The following TEX46 variants were observed in gnomAD, a reference collection of about 807,000 sequenced individuals.
TEX46 encodes testis-expressed protein 46.
Under a neutral mutation model 5.3 loss-of-function variants are expected in TEX46, and 6 were observed. The observed-to-expected ratio is 1.13, with a 90% CI of 0.62 to 2.23. The LOEUF is 2.23. TEX46 is among the 30% of genes most tolerant of loss of function. TEX46 has a pLI of 0.00. For synonymous variants in TEX46, 41 were observed against 54.6 expected, an observed-to-expected ratio of 0.75 and a Z score of 1.10; for missense variants, 131 against 150.9, an observed-to-expected ratio of 0.87 and a Z score of 0.69.
chr1:23,010,843 A>G lies in TEX46; in HGVS notation c.*58T>C, dbSNP rs1641343194. The G allele has an allele frequency of 7.6e-7, 1 of 1,314,490 alleles. No individual in the cohort carries two copies. Among genetic ancestry groups the G allele is most frequent in the Non-Finnish European group, 1.0e-6 (1 of 960,824 alleles). 81.4% of individuals were successfully genotyped at this position (1,314,490 alleles called of 1,614,324 possible). On this transcript the variant is annotated 3_prime_UTR_variant, in exon 3 of 3. Coordinates refer to ENST00000566855, the MANE Select transcript of TEX46 (RefSeq NM_001242521.2). ...TACTATGAACATTCAATAGGCTGTG[A>G]CTGGGTTTTACTGAGGTAAAAGGTA... is the stretch of plus-strand genomic sequence containing the variant.
chr1:23,013,563 T>C (rs1641380075), intron 2 of TEX46, among the ~76,000 whole-genome samples: 1 of 152,248 alleles, frequency 6.6e-6, no homozygotes, highest in African/African-American at 2.4e-5. Flanking sequence ...GTATCTATGT[T>C]CGTCCATGTT....
At chr1:23,013,110 G>C (rs1224055966) in intron 2 of TEX46, among the ~76,000 whole-genome samples, 2 of 151,992 alleles carry the variant, frequency 1.3e-5, no homozygotes, top group East Asian at 3.9e-4. Context: ...AGTGGTCGTT[G>C]ACCTGCCTCG....
chr1:23,013,746 G>A (rs1207413872), intron 2 of TEX46, 137 bp downstream of exon 2: 3 of 750,828 alleles, frequency 4.0e-6, no homozygotes, highest in Non-Finnish European at 6.3e-6. Flanking sequence ...GGAAGCTGTA[G>A]AGTGGTGGTT....
chr1:23,012,620 C>T (rs1319522215), intron 2 of TEX46, among the ~76,000 whole-genome samples: 2 of 152,194 alleles, frequency 1.3e-5, no homozygotes, highest in Non-Finnish European at 2.9e-5. Flanking sequence ...ATTCTGCCTT[C>T]CCCAGGGGAC....
At position 23,015,801 on chromosome 1, in the gene TEX46, G is replaced by C. The variant is rs1461516811; in HGVS notation, c.-28C>G. 2 of 698,556 alleles carry C rather than the reference G, an allele frequency of 2.9e-6. No individual in the cohort carries two copies. Among genetic ancestry groups the C allele is most frequent in the Non-Finnish European group, 5.2e-6 (2 of 382,872 alleles). The allele number at this position is 698,556 out of a possible 1,614,324, so 43.3% of individuals were successfully genotyped here. On this transcript the variant is annotated 5_prime_UTR_variant, in exon 1 of 3. Transcript: ENST00000566855. ...GCTATCTACAATAGTCAAATTCATA[G>C]AGGCAAAGAGTAGAATGGTGGCTGC...
intron 1 of TEX46, 117 bp from the exon 2 acceptor site, chr1:23,014,162 C>T: frequency 7.1e-7 from 1 of 1,417,002 alleles, no homozygotes; most frequent in African/African-American, 1.4e-5. Flanking sequence ...TGAGTCATAG[C>T]CAGCTCCCTC....
At chr1:23,011,315 T>A (rs1641349257) in intron 2 of TEX46, 1 of 492,290 alleles carries the variant, frequency 2.0e-6, no homozygotes, top group East Asian at 3.0e-5. Flanking sequence ...CTTAACAGAG[T>A]CTCACAACTG....
chr1:23,012,741 CAGGTG>C (rs1366586416), intron 2 of TEX46, among the ~76,000 whole-genome samples: 3 of 152,202 alleles, frequency 2.0e-5, no homozygotes, highest in Non-Finnish European at 2.9e-5. Context: ...GCACAGGTGA[CAGGTG>C]AGCCTCCCAC....
At chr1:23,013,305 T>TAA (rs1169848703) in intron 2 of TEX46, among the ~76,000 whole-genome samples, 1 of 152,170 alleles carries the variant, frequency 6.6e-6, no homozygotes, top group African/African-American at 2.4e-5. Context: ...CCTGAGTAGC[T>TAA]GGTATTACAG....
chr1:23,012,869 C>CTTTT (rs58815269), intron 2 of TEX46, among the ~76,000 whole-genome samples: 1 of 103,072 alleles, frequency 9.7e-6, no homozygotes, highest in Non-Finnish European at 2.0e-5. Context: ...ATTGTTTTGC[C>CTTTT]TTTTTTTTTT....
rs1465638057 is a variant in TEX46 at position 23,013,865 on chromosome 1, G to GC, written c.165+17dup. 6.5e-7 allele frequency: 1 copy of GC among 1,534,808 alleles called. No individual in the cohort carries two copies. The stretch of plus-strand genomic sequence containing the variant: ...TCCCCTATCCCTGAGCTGAAGCCAA[G>GC]CCCCATCTTGTGCTCACCTGCTGGG... On this transcript the variant is annotated intron_variant, in intron 2 of 2. Coordinates refer to ENST00000566855, the MANE Select transcript of TEX46 (RefSeq NM_001242521.2).
chr1:23,013,455 G>C (rs914620639), intron 2 of TEX46, among the ~76,000 whole-genome samples: 5 of 152,234 alleles, frequency 3.3e-5, no homozygotes, highest in African/African-American at 1.2e-4. Flanking sequence ...TTGCAGGCGT[G>C]AGCCACTGCG....
At chr1:23,012,129 C>T (rs753910646) in intron 2 of TEX46, among the ~76,000 whole-genome samples, 27 of 152,092 alleles carry the variant, frequency 1.8e-4, no homozygotes, top group Non-Finnish European at 3.4e-4. Context: ...GCAGGAGGAT[C>T]GCTTGAGCCC....
At chr1:23,014,341 G>T (rs942992554) in intron 1 of TEX46, among the ~76,000 whole-genome samples, 2 of 151,946 alleles carry the variant, frequency 1.3e-5, no homozygotes, top group Non-Finnish European at 2.9e-5. Flanking sequence ...TCTGGGCCTC[G>T]CTACTAGCAA....
Position 23,015,801 on chromosome 1 carries a change from G to A in TEX46, c.-28C>T. ...GCTATCTACAATAGTCAAATTCATA[G>A]AGGCAAAGAGTAGAATGGTGGCTGC... On this transcript the variant is annotated 5_prime_UTR_variant, in exon 1 of 3. Coordinates refer to ENST00000566855, the MANE Select transcript of TEX46 (RefSeq NM_001242521.2). The A allele has an allele frequency of 1.4e-6, 1 of 698,556 alleles. No homozygotes were observed. Among genetic ancestry groups the A allele is most frequent in the South Asian group, 1.5e-5 (1 of 66,932 alleles). The allele number at this position is 698,556 out of a possible 1,614,324, so 43.3% of individuals were successfully genotyped here. A position where few individuals can be genotyped will look rare whatever the true frequency, so the allele number is the denominator to read the frequency against.
intron 2 of TEX46, among the ~76,000 whole-genome samples, chr1:23,012,250 G>A (rs1472481305): frequency 6.6e-6 from 1 of 151,898 alleles, no homozygotes; most frequent in African/African-American, 2.4e-5. Context: ...GGCTGAGGTG[G>A]AAGGATCACC....
At chr1:23,014,243 C>G (rs920201071) in intron 1 of TEX46, 198 bp from the exon 2 acceptor site, 19 of 1,016,550 alleles carry the variant, frequency 1.9e-5, no homozygotes, top group Admixed American at 3.2e-5. Flanking sequence ...ATGTGCCAGA[C>G]TCTTTGACAG....
chr1:23,013,360 A>G (rs1388472414), intron 2 of TEX46, among the ~76,000 whole-genome samples: 1 of 151,334 alleles, frequency 6.6e-6, no homozygotes, highest in Non-Finnish European at 1.5e-5. Flanking sequence ...TTTAGTAGAG[A>G]CGAGGTGTTA....
chr1:23,014,384 T>C lies in TEX46; in HGVS notation c.3-339A>G, dbSNP rs567716340. Among the ~76,000 whole-genome samples the C allele has an allele frequency of 2.6e-5, 4 of 152,196 alleles. No homozygotes were observed. The South Asian group carries it at 6.2e-4, about 24-fold the overall frequency. ...GGCCAATACAGAGCCCCTACCATCA[T>C]AGGGGCAAAGAAAAGTTATCCAAAC... On this transcript the variant is annotated intron_variant, in intron 1 of 2. Transcript: ENST00000566855.
Sources: gnomAD v4.1 joint callset for allele counts (sites outside exome capture counted in the v4.1 genomes callset) on GRCh38, gnomAD v4.1.1 for gene constraint, MANE v1.5 for transcripts, NCBI Gene and HGNC (gene_info 2026-07-23, HGNC 2026-07-21) for gene names.